Variants in CLVS1 observed in about 807,000 individuals in gnomAD.
CLVS1 encodes the protein clavesin 1.
CLVS1 carries 10 observed loss-of-function variants against 33.1 expected under a neutral mutation model. The observed-to-expected ratio is 0.30, with a 90% CI of 0.19 to 0.51. The LOEUF (loss-of-function observed/expected upper bound fraction) is 0.51, where lower values mean the gene tolerates loss of function less well. Ranked by LOEUF, CLVS1 falls within the 20% of genes least tolerant of loss-of-function variation. The pLI is 0.97. For missense variants in CLVS1, 343 were observed against 433.4 expected (o/e 0.79, Z 1.85); for synonymous variants, 163 against 166.1 (o/e 0.98, Z 0.14).
chr8:61,491,342 A>G (rs997412850), intron 5 of CLVS1, among the ~76,000 whole-genome samples: 3 of 152,192 alleles, frequency 2.0e-5, no homozygotes, highest in Non-Finnish European at 4.4e-5. Context: ...AGTTAGTGAC[A>G]TGAGTGACAA....
the CLVS1 span, among the ~76,000 whole-genome samples, chr8:61,015,082 C>A: frequency 6.6e-6 from 1 of 152,162 alleles, no homozygotes; most frequent in Non-Finnish European, 1.5e-5. Flanking sequence ...TTTTTGGTCC[C>A]AAAAAGCATG....
intron 3 of CLVS1, among the ~76,000 whole-genome samples, chr8:61,396,955 G>A (rs1399452037): frequency 3.9e-5 from 6 of 152,022 alleles, no homozygotes; most frequent in African/African-American, 1.4e-4. Flanking sequence ...TATTTTGGTT[G>A]TTTCCACTGC....
At chr8:61,084,096 G>T (rs1256824693) in intron 1 of CLVS1, among the ~76,000 whole-genome samples, 1 of 152,138 alleles carries the variant, frequency 6.6e-6, no homozygotes, top group African/African-American at 2.4e-5. Context: ...GAGAAGATAG[G>T]ACTAAGATTG....
At chr8:61,064,536 CATT>C (rs1804640408) in intron 1 of CLVS1, among the ~76,000 whole-genome samples, 8 of 141,442 alleles carry the variant, frequency 5.7e-5, no homozygotes, top group Non-Finnish European at 7.6e-5. Flanking sequence ...GTTCTTTGCC[CATT>C]TTTTTTTTTT....
intron 5 of CLVS1, among the ~76,000 whole-genome samples, chr8:61,480,052 T>A (rs1818124803): frequency 6.6e-6 from 1 of 152,220 alleles, no homozygotes; most frequent in African/African-American, 2.4e-5. Context: ...GAGGAGGCAG[T>A]CTGCCCGTTC....
chr8:61,296,264 G>A (rs1328115799), intron 1 of CLVS1, among the ~76,000 whole-genome samples: 1 of 152,172 alleles, frequency 6.6e-6, no homozygotes, highest in East Asian at 1.9e-4. Context: ...AGCTTCTACT[G>A]TGTGCTGAGC....
At chr8:61,111,623 T>G (rs1805629706) in intron 1 of CLVS1, among the ~76,000 whole-genome samples, 1 of 152,214 alleles carries the variant, frequency 6.6e-6, no homozygotes, top group Non-Finnish European at 1.5e-5. Flanking sequence ...ATCACATATT[T>G]GTTTAAATGT....
At chr8:61,220,171 C>A (rs539408408) in intron 2 of CLVS1, among the ~76,000 whole-genome samples, 1 of 152,160 alleles carries the variant, frequency 6.6e-6, no homozygotes, top group Non-Finnish European at 1.5e-5. Flanking sequence ...AATTAGATCC[C>A]ATTTGTCAAT....
intron 5 of CLVS1, among the ~76,000 whole-genome samples, chr8:61,498,933 C>T (rs947758839): frequency 3.3e-5 from 5 of 152,090 alleles, no homozygotes; most frequent in Non-Finnish European, 7.3e-5. Flanking sequence ...TTAAAAGGTA[C>T]ACTAAAACAT....
chr8:61,362,895 A>G (rs17775749), intron 2 of CLVS1, among the ~76,000 whole-genome samples: 1,696 of 152,286 alleles, frequency 0.011, 14 homozygotes, highest in Middle Eastern at 0.034. Context: ...GTAGGTGGGT[A>G]AGTAAGACTC....
chr8:61,300,019 T>C lies in CLVS1; in HGVS notation c.192T>C (p.Pro64=). ...QQVRDMIITR[P]DIGFLRTDDA... ...TCAGGGACATGATCATCACCAGGCCTGACATTGGATTTTTACGTACAGATG... is the reference window on the plus strand; with the variant it reads ...TCAGGGACATGATCATCACCAGGCCCGACATTGGATTTTTACGTACAGATG... Residue 64 remains proline (P), a synonymous_variant, in exon 2 of 6, where the codon CCT becomes CCC. Transcript: ENST00000325897. The C allele has an allele frequency of 1.2e-6, 2 of 1,614,038 alleles. No homozygotes were observed. Among genetic ancestry groups the C allele is most frequent in the Non-Finnish European group, 1.7e-6 (2 of 1,179,964 alleles).
intron 5 of CLVS1, among the ~76,000 whole-genome samples, chr8:61,487,479 A>G (rs1356684565): frequency 6.6e-6 from 1 of 152,244 alleles, no homozygotes; most frequent in East Asian, 1.9e-4. Context: ...GCTGTCTCCT[A>G]CATCGTGTTC....
At chr8:61,224,088 T>C (rs1808279059) in intron 2 of CLVS1, among the ~76,000 whole-genome samples, 1 of 152,174 alleles carries the variant, frequency 6.6e-6, no homozygotes, top group South Asian at 2.1e-4. Context: ...TCAAGGTTCT[T>C]ACTTCTTTGC....
chr8:61,322,616 T>C (rs767897454), intron 2 of CLVS1, among the ~76,000 whole-genome samples: 1 of 152,140 alleles, frequency 6.6e-6, no homozygotes, highest in Non-Finnish European at 1.5e-5. Context: ...GTAATAAATA[T>C]AGAGAAGTTT....
intron 2 of CLVS1, among the ~76,000 whole-genome samples, chr8:61,226,980 G>GTTTTTTTTTTTTTTT (rs55718731): frequency 4.5e-5 from 6 of 132,310 alleles, no homozygotes; most frequent in Non-Finnish European, 6.3e-5. Flanking sequence ...ACGAAAACAT[G>GTTTTTTTTTTTTTTT]TTTTTTTTTT....
At chr8:61,148,170 G>C (rs1010111604) in intron 2 of CLVS1, among the ~76,000 whole-genome samples, 5 of 152,222 alleles carry the variant, frequency 3.3e-5, no homozygotes, top group African/African-American at 1.2e-4. Flanking sequence ...TGGTGTACTT[G>C]AATTTCAGCA....
intron 2 of CLVS1, among the ~76,000 whole-genome samples, chr8:61,374,180 T>G (rs1462725167): frequency 6.6e-6 from 1 of 152,206 alleles, no homozygotes; most frequent in Non-Finnish European, 1.5e-5. Flanking sequence ...CAGGGATAAG[T>G]GAAGAATTGG....
chr8:61,453,486 C>A (rs528295413), intron 3 of CLVS1, among the ~76,000 whole-genome samples: 1 of 152,190 alleles, frequency 6.6e-6, no homozygotes, highest in Non-Finnish European at 1.5e-5. Flanking sequence ...CCTCAACTAG[C>A]GGAATCAGCT....
intron 2 of CLVS1, among the ~76,000 whole-genome samples, chr8:61,255,787 C>A (rs77731186): frequency 3.3e-5 from 5 of 152,070 alleles, no homozygotes; most frequent in African/African-American, 1.2e-4. Context: ...GAAACTTGAA[C>A]CTACTATAAG....
Sources: allele counts gnomAD v4.1 joint callset (sites outside exome capture counted in the v4.1 genomes callset), GRCh38; gene constraint gnomAD v4.1.1; transcripts MANE v1.5; gene names NCBI Gene and HGNC (gene_info 2026-07-23, HGNC 2026-07-21).